The following GGTA1 variants were observed in gnomAD, a reference collection of about 807,000 sequenced individuals.
GGTA1 encodes the protein glycoprotein alpha-galactosyltransferase 1 (inactive), also known as inactive N-acetyllactosaminide alpha-1,3-galactosyltransferase.
In GGTA1, 5 loss-of-function variants were observed where a neutral mutation model predicts 2.6. That is an observed-to-expected ratio of 1.92 (90% CI 1.00 to 4.04). The LOEUF is 4.04. Among genes scored for constraint, GGTA1 ranks in the 30% most tolerant of loss-of-function variants. The probability of loss-of-function intolerance (pLI) is 0.00; values close to 1 mark genes in which losing one functional copy is unlikely to be tolerated. For missense variants in GGTA1, 50 were observed against 16.7 expected, an observed-to-expected ratio of 2.99 and a Z score of -3.47; for synonymous variants, 17 against 5.0, an observed-to-expected ratio of 3.38 and a Z score of -3.19.
At chr9:121,475,656 G>T (rs1208986443) in intron 1 of GGTA1, among the ~76,000 whole-genome samples, 2 of 152,206 alleles carry the variant, frequency 1.3e-5, no homozygotes, top group East Asian at 3.8e-4. Context: ...AACTGGAGAT[G>T]CTTTACTGAA....
At chr9:121,462,594 G>A (rs1372986897) in intron 3 of GGTA1, 2 of 152,146 alleles carry the variant, frequency 1.3e-5, no homozygotes, top group African/African-American at 4.8e-5. Flanking sequence ...CGTCACCCAG[G>A]TATATATTTT....
At chr9:121,481,382 A>G (rs1024928353) in intron 1 of GGTA1, among the ~76,000 whole-genome samples, 1 of 151,780 alleles carries the variant, frequency 6.6e-6, no homozygotes, top group Non-Finnish European at 1.5e-5. Flanking sequence ...CCATTTATTT[A>G]AAGTTCAAAA....
intron 1 of GGTA1, among the ~76,000 whole-genome samples, chr9:121,471,010 G>T (rs924604667): frequency 1.3e-5 from 2 of 152,236 alleles, no homozygotes; most frequent in African/African-American, 2.4e-5. Context: ...CGGTTACAAG[G>T]TTACCTTGTG....
At chr9:121,458,594 T>C (rs1477756998) in intron 5 of GGTA1, among the ~76,000 whole-genome samples, 1 of 151,324 alleles carries the variant, frequency 6.6e-6, no homozygotes, top group Non-Finnish European at 1.5e-5. Flanking sequence ...GCCACTGCCC[T>C]CCAGCCTGGT....
chr9:121,445,012 A>G (rs2064846516), exon 8 of GGTA1: 1 of 152,220 alleles, frequency 6.6e-6, no homozygotes, highest in Non-Finnish European at 1.5e-5. Flanking sequence ...AATTTATTTA[A>G]TTGTAAATTG....
chr9:121,467,745 T>C lies in GGTA1; in HGVS notation c.80+98A>G, dbSNP rs371628515. 3.1e-5 allele frequency: 12 copies of C among 392,768 alleles called. No individual in the cohort carries two copies. In the East Asian group the frequency reaches 4.4e-4, roughly 14 times the overall value. 24.3% of individuals were successfully genotyped at this position (392,768 alleles called of 1,614,324 possible). On this transcript the variant is annotated intron_variant, in intron 2 of 5. Coordinates refer to ENST00000481799, the MANE Select transcript of GGTA1 (RefSeq NM_001382585.1). ...ATCCCTTATTTATGGTTTTAGTTAA[T>C]CCTAATTTCAATTCAGCCTGGCAAC...
chr9:121,464,321 G>T (rs2064985725), intron 2 of GGTA1, among the ~76,000 whole-genome samples: 1 of 129,096 alleles, frequency 7.7e-6, no homozygotes, highest in East Asian at 2.3e-4. Flanking sequence ...TTGCCTCCTT[G>T]AGGTTTTTTT....
rs535194724 is a variant in GGTA1, at chr9:121,479,193, G to C, written c.-9-11262C>G. On this transcript the variant is annotated intron_variant, in intron 1 of 5. Coordinates refer to ENST00000481799, the MANE Select transcript of GGTA1 (RefSeq NM_001382585.1). The stretch of plus-strand genomic sequence containing the variant: ...GCGATCCACCCGTGACCCCAGCATG[G>C]CAGAAGCAAATCATTTCACCATCTC... 6 of 438,006 alleles carry C rather than the reference G, an allele frequency of 1.4e-5. No homozygotes were observed. In the East Asian group the frequency reaches 3.5e-4, roughly 26 times the overall value. 27.1% of individuals were successfully genotyped at this position (438,006 alleles called of 1,614,324 possible).
chr9:121,480,925 G>A (rs1006475786), intron 1 of GGTA1, among the ~76,000 whole-genome samples: 7 of 151,274 alleles, frequency 4.6e-5, no homozygotes, highest in East Asian at 2.0e-4. Flanking sequence ...AGGCCGAGGC[G>A]GGTGGACCAT....
Position 121,479,178 on chromosome 9 carries a change from C to T in GGTA1, c.-9-11247G>A, listed in dbSNP as rs188098626. ...CACCGAGAGTTTAGGGCGATCCACC[C>T]GTGACCCCAGCATGGCAGAAGCAAA... On this transcript the variant is annotated intron_variant, in intron 1 of 5. Coordinates refer to ENST00000481799, the MANE Select transcript of GGTA1 (RefSeq NM_001382585.1). The T allele has an allele frequency of 1.9e-3, 872 of 450,686 alleles. 5 individuals carry two copies. Among genetic ancestry groups the T allele is most frequent in the Non-Finnish European group, 3.1e-3 (691 of 225,088 alleles). 27.9% of individuals were successfully genotyped at this position (450,686 alleles called of 1,614,324 possible).
At chr9:121,491,682 T>C (rs946888836) in intron 1 of GGTA1, among the ~76,000 whole-genome samples, 3 of 152,070 alleles carry the variant, frequency 2.0e-5, no homozygotes, top group Non-Finnish European at 4.4e-5. Flanking sequence ...CCATCTCAGC[T>C]CACTGCAACC....
At chr9:121,484,854 C>G (rs1828726225) in intron 1 of GGTA1, among the ~76,000 whole-genome samples, 1 of 152,178 alleles carries the variant, frequency 6.6e-6, no homozygotes, top group Non-Finnish European at 1.5e-5. Flanking sequence ...TTTAAGGCAA[C>G]TTAAAACAAA....
At chr9:121,495,223 C>A (rs1828966369) in intron 1 of GGTA1, among the ~76,000 whole-genome samples, 2 of 151,962 alleles carry the variant, frequency 1.3e-5, no homozygotes, top group South Asian at 4.1e-4. Context: ...CCTGGCCTCT[C>A]CTGACCTCAA....
At chr9:121,494,356 G>C (rs1828943376) in intron 1 of GGTA1, among the ~76,000 whole-genome samples, 1 of 152,344 alleles carries the variant, frequency 6.6e-6, no homozygotes, top group Admixed American at 6.5e-5. Flanking sequence ...CCAAGCCTTG[G>C]AAACTCTCAT....
rs1047446379 is a variant in GGTA1 at position 121,476,113 on chromosome 9, A to G, written c.-9-8182T>C. On this transcript the variant is annotated intron_variant, in intron 1 of 5. Transcript: ENST00000481799. The surrounding 1 kb of genome is among the most constrained non-coding windows in gnomAD (Gnocchi z 4.6). ...TTTAATGGGAGAAATTCAGAAATGC[A>G]TGGCTCAGAGCTTGGTGTGAAAGCA... Among the ~76,000 whole-genome samples, 4 of 152,194 alleles carry G rather than the reference A, an allele frequency of 2.6e-5. No individual in the cohort carries two copies. Among genetic ancestry groups the G allele is most frequent in the African/African-American group, 9.7e-5 (4 of 41,446 alleles).
At chr9:121,451,514 C>T (rs929360178), downstream of GGTA1, among the ~76,000 whole-genome samples, 9 of 152,138 alleles carry the variant, frequency 5.9e-5, no homozygotes, top group Non-Finnish European at 1.2e-4. Flanking sequence ...TAAGAATGAT[C>T]GTAGTTTTTC....
At chr9:121,466,369 C>T (rs1361642521) in intron 2 of GGTA1, among the ~76,000 whole-genome samples, 6 of 152,226 alleles carry the variant, frequency 3.9e-5, no homozygotes, top group Non-Finnish European at 8.8e-5. Context: ...CCACACAAAA[C>T]TCTGAGTCAT....
chr9:121,498,767 G>A (rs1025195683), intron 1 of GGTA1, among the ~76,000 whole-genome samples: 2 of 152,188 alleles, frequency 1.3e-5, no homozygotes, highest in Non-Finnish European at 1.5e-5. Context: ...TGCCGGAGGA[G>A]CGGCTCTCAC....
chr9:121,482,574 G>C (rs913783983), intron 1 of GGTA1, among the ~76,000 whole-genome samples: 2 of 152,130 alleles, frequency 1.3e-5, no homozygotes, highest in African/African-American at 4.8e-5. Flanking sequence ...TTCAAGACCA[G>C]CCTGGCCAAC....
Sources: gnomAD v4.1 joint callset for allele counts (sites outside exome capture counted in the v4.1 genomes callset) on GRCh38, gnomAD v4.1.1 for gene constraint, Gnocchi (gnomAD v3.1) non-coding constraint, MANE v1.5 for transcripts, NCBI Gene and HGNC (gene_info 2026-07-23, HGNC 2026-07-21) for gene names.